IPP: variants seen among roughly 807,000 people sequenced by gnomAD.
IPP encodes intracisternal A particle-promoted polypeptide, also known as actin-binding protein IPP.
Under a neutral mutation model 64.1 loss-of-function variants are expected in IPP, and 41 were observed. The ratio of observed to expected loss-of-function variants is 0.64; its 90% CI spans 0.50 to 0.83. The LOEUF is 0.83. IPP is among the 40% of genes least tolerant of loss of function. IPP has a pLI of 0.00. For synonymous variants in IPP, 214 were observed against 235.2 expected, an observed-to-expected ratio of 0.91 and a Z score of 0.83; for missense variants, 649 against 703.0, an observed-to-expected ratio of 0.92 and a Z score of 0.87.
chr1:45,747,798 G>A (rs1213757626), intron 1 of IPP, among the ~76,000 whole-genome samples: 15 of 119,096 alleles, frequency 1.3e-4, no homozygotes, highest in African/African-American at 4.0e-4. Flanking sequence ...ACTGCCCTCC[G>A]CTCTCCAGCC....
At chr1:45,696,325 CAG>C (rs1443633346), downstream of IPP, among the ~76,000 whole-genome samples, 2 of 152,098 alleles carry the variant, frequency 1.3e-5, no homozygotes, top group Admixed American at 6.6e-5. Context: ...TCTCAAAAAA[CAG>C]AATTAAATGT....
chr1:45,723,628 T>G (rs936231380), intron 5 of IPP, among the ~76,000 whole-genome samples: 2 of 152,216 alleles, frequency 1.3e-5, no homozygotes, highest in Non-Finnish European at 2.9e-5. Context: ...AAATTCTAAT[T>G]TCCTTGTTGG....
chr1:45,707,670 T>G, intron 8 of IPP, among the ~76,000 whole-genome samples: 1 of 151,962 alleles, frequency 6.6e-6, no homozygotes, highest in East Asian at 1.9e-4. Context: ...CTAGACAAAC[T>G]GAAGCATAGA....
At position 45,746,292 on chromosome 1, in the gene IPP, C is replaced by A. The variant is rs761563647; in HGVS notation, c.120G>T (p.Gln40His). ...TAAAACTTTCCTGTCCAACTTGCAG[C>A]TGCACATCACAGAAATGCTGTCCAT... The part of the protein sequence containing the change: ...MRNGQHFCDV[Q>H]LQVGQESFKA... Residue 40 changes from glutamine (Q) to histidine (H), a missense_variant, in exon 2 of 9, where the codon CAG becomes CAT. Gln to His is a conservative substitution (Grantham distance 24). Transcript: ENST00000396478. The A allele has an allele frequency of 9.3e-6, 15 of 1,614,062 alleles. No individual in the cohort carries two copies. In the African/African-American group the frequency reaches 1.7e-4, roughly 19 times the overall value.
chr1:45,727,787 G>A lies in IPP; in HGVS notation c.892C>T (p.Arg298Trp), dbSNP rs569071416. ...TCACTCCAGCGACCCCCCTGCAACC[G>A]AGTATATCCACCTAAACAAAAGAAG... ...KYLYAVGGYT[R>W]LQGGRWSDSR... is the part of the protein sequence containing the mutation. Residue 298 changes from arginine to tryptophan, a missense_variant, in exon 5 of 9, where the codon CGG (arginine) becomes TGG (tryptophan). Coordinates refer to ENST00000396478, the MANE Select transcript of IPP (RefSeq NM_005897.3). 2.3e-5 allele frequency: 36 copies of A among 1,546,452 alleles called. No individual in the cohort carries two copies. Among genetic ancestry groups the A allele is most frequent in the Admixed American group, 6.9e-5 (4 of 58,058 alleles).
intron 5 of IPP, among the ~76,000 whole-genome samples, chr1:45,724,627 C>T (rs1212361364): frequency 1.3e-5 from 2 of 149,506 alleles, no homozygotes; most frequent in Non-Finnish European, 3.0e-5. Flanking sequence ...ACCTCTGCCC[C>T]GCCGCCCTGT....
intron 8 of IPP, among the ~76,000 whole-genome samples, chr1:45,710,259 C>T: frequency 9.0e-6 from 1 of 110,962 alleles, no homozygotes. Flanking sequence ...GCTCTTTGAG[C>T]TAAGAAAACA....
rs535274858 is a variant in IPP, at chr1:45,724,062, G to C, written c.1048+3569C>G. Among the ~76,000 whole-genome samples the C allele has an allele frequency of 2.3e-3, 346 of 148,544 alleles. 2 individuals carry two copies. The highest frequency in any genetic ancestry group is 3.9e-3 in the Non-Finnish European group (261 of 67,270). On this transcript the variant is annotated intron_variant, in intron 5 of 8. Coordinates refer to ENST00000396478, the MANE Select transcript of IPP (RefSeq NM_005897.3). ...AGCTGGACTGTACTGCTGCCATCTC[G>C]GCTCACTGCAACCTCCCTGCCTGAT...
chr1:45,721,953 C>T (rs1251192328), intron 5 of IPP, among the ~76,000 whole-genome samples: 1 of 152,138 alleles, frequency 6.6e-6, no homozygotes, highest in Admixed American at 6.5e-5. Flanking sequence ...TCTGTAATCC[C>T]AGCTACTTGG....
chr1:45,732,660 T>TTTTA (rs77577476), intron 3 of IPP, among the ~76,000 whole-genome samples: 20 of 151,358 alleles, frequency 1.3e-4, no homozygotes, highest in Non-Finnish European at 2.1e-4. Context: ...TTTAAAGTAT[T>TTTTA]TTTATTTATT....
At position 45,747,357 on chromosome 1, in the gene IPP, C is replaced by T. The variant is rs115408990; in HGVS notation, c.-50-896G>A. Among the ~76,000 whole-genome samples, 497 of 152,042 alleles carry T rather than the reference C, an allele frequency of 3.3e-3. 3 individuals are homozygous for T. Among genetic ancestry groups the T allele is most frequent in the African/African-American group, 0.011 (454 of 41,482 alleles). On this transcript the variant is annotated intron_variant, in intron 1 of 8. Coordinates refer to ENST00000396478, the MANE Select transcript of IPP (RefSeq NM_005897.3). ...TTAAGAGGTGAGAAGAAAAGATAAT[C>T]TTATCTAAAATGAGAGAAAAGGAAA...
chr1:45,737,267 G>A (rs1363676925), intron 3 of IPP, among the ~76,000 whole-genome samples: 1 of 151,842 alleles, frequency 6.6e-6, no homozygotes, highest in Middle Eastern at 3.2e-3. Flanking sequence ...TTTAAATAGT[G>A]TATTCCTATA....
chr1:45,695,709 G>A (rs1645381302), downstream of IPP, among the ~76,000 whole-genome samples: 1 of 151,144 alleles, frequency 6.6e-6, no homozygotes, highest in Non-Finnish European at 1.5e-5. Flanking sequence ...CACTCTTGTT[G>A]CCCAGGCTGG....
chr1:45,747,158 C>CT (rs775978866), intron 1 of IPP, among the ~76,000 whole-genome samples: 18 of 152,172 alleles, frequency 1.2e-4, no homozygotes, highest in Middle Eastern at 3.4e-3. Flanking sequence ...AAACACAGCC[C>CT]TTTAAAGGCA....
downstream of IPP, among the ~76,000 whole-genome samples, chr1:45,696,570 C>T (rs952844968): frequency 5.3e-5 from 8 of 152,172 alleles, no homozygotes; most frequent in Non-Finnish European, 1.2e-4. Flanking sequence ...CACCTGAGGT[C>T]GGGAGTTCGA....
rs75963108 is a variant in IPP, at chr1:45,713,621, A to G, written c.1530+625T>C. Among the ~76,000 whole-genome samples, 102 of 152,216 alleles carry G rather than the reference A, an allele frequency of 6.7e-4. No individual in the cohort carries two copies. In the East Asian group the frequency reaches 0.011, roughly 16 times the overall value. On this transcript the variant is annotated intron_variant, in intron 8 of 8. Transcript: ENST00000396478. ...TTGCTGTTACCGAGGCTGGAGCACA[A>G]TGGCTTGATCACAGCTCACTGCAGC...
intron 6 of IPP, 74 bp from the exon 7 acceptor site, chr1:45,717,091 C>T (rs1569981370): frequency 1.4e-6 from 2 of 1,381,776 alleles, no homozygotes; most frequent in South Asian, 1.2e-5. Flanking sequence ...TAGAAAACAT[C>T]TAAACCAAAT....
chr1:45,701,292 T>TG (rs966808097), intron 8 of IPP, among the ~76,000 whole-genome samples: 41 of 152,122 alleles, frequency 2.7e-4, no homozygotes, highest in Middle Eastern at 3.4e-3. Context: ...TACTTTTTTT[T>TG]TTGTTTTTTT....
chr1:45,740,474 G>C (rs935897055), intron 3 of IPP, among the ~76,000 whole-genome samples: 3 of 151,612 alleles, frequency 2.0e-5, no homozygotes, highest in African/African-American at 7.3e-5. Flanking sequence ...TCTCCCTCCC[G>C]AACGGGGCGG....
Sources: allele counts gnomAD v4.1 joint callset (sites outside exome capture counted in the v4.1 genomes callset), GRCh38; gene constraint gnomAD v4.1.1; transcripts MANE v1.5; gene names NCBI Gene and HGNC (gene_info 2026-07-23, HGNC 2026-07-21).